The following BRAP variants were observed in gnomAD, a reference collection of about 807,000 sequenced individuals.
BRAP encodes the protein BRCA1 associated protein.
BRAP carries 42 observed loss-of-function variants against 73.4 expected under a neutral mutation model. The ratio of observed to expected loss-of-function variants is 0.57; its 90% CI spans 0.45 to 0.74. BRAP has a LOEUF of 0.74. BRAP is among the 30% of genes least tolerant of loss of function. The pLI is 0.00. For missense variants in BRAP, 593 were observed against 751.4 expected (o/e 0.79, Z 2.46); for synonymous variants, 255 against 267.4 (o/e 0.95, Z 0.45).
intron 6 of BRAP, 41 bp from the exon 7 acceptor site, chr12:111,660,716 A>G: frequency 6.4e-7 from 1 of 1,556,080 alleles, no homozygotes; most frequent in South Asian, 1.2e-5. Context: ...GGTTAAATAT[A>G]AAAGACAGCT....
At chr12:111,654,453 T>A (rs1367545071) in intron 10 of BRAP, among the ~76,000 whole-genome samples, 1 of 152,024 alleles carries the variant, frequency 6.6e-6, no homozygotes, top group Non-Finnish European at 1.5e-5. Context: ...GTAGCTGGGA[T>A]TACAGGCGCC....
intron 10 of BRAP, among the ~76,000 whole-genome samples, chr12:111,654,942 G>C (rs770049674): frequency 3.3e-5 from 5 of 152,194 alleles, no homozygotes; most frequent in African/African-American, 7.2e-5. Flanking sequence ...ATGCTTACTA[G>C]TTTTCAGACT....
intron 9 of BRAP, among the ~76,000 whole-genome samples, chr12:111,657,040 A>G (rs1327322973): frequency 6.6e-6 from 1 of 152,018 alleles, no homozygotes; most frequent in African/African-American, 2.4e-5. Flanking sequence ...TGCCTGGCCA[A>G]TAAATATTCC....
intron 9 of BRAP, among the ~76,000 whole-genome samples, chr12:111,655,891 C>T (rs1487249439): frequency 1.3e-5 from 2 of 152,146 alleles, no homozygotes; most frequent in African/African-American, 4.8e-5. Flanking sequence ...CTTATAAAAA[C>T]CTTTATTCTG....
intron 4 of BRAP, among the ~76,000 whole-genome samples, chr12:111,674,198 C>T (rs1592992842): frequency 6.6e-6 from 1 of 152,266 alleles, no homozygotes; most frequent in Non-Finnish European, 1.5e-5. Flanking sequence ...GCTTTTAATT[C>T]CCCTCTAATG....
Position 111,658,859 on chromosome 12 carries a change from C to G in BRAP, c.1112-14G>C. The G allele has an allele frequency of 6.3e-7, 1 of 1,579,588 alleles. No homozygotes were observed. Among genetic ancestry groups the G allele is most frequent in the Non-Finnish European group, 8.7e-7 (1 of 1,151,728 alleles). ...GAACATAGTTATCTACAGAAAGAGT[C>G]AACAAAAGTGTGTTTCTTTAGAATG... is the stretch of plus-strand genomic sequence containing the variant. On this transcript the variant is annotated splice_polypyrimidine_tract_variant and intron_variant, in intron 8 of 11. Coordinates refer to ENST00000419234, the MANE Select transcript of BRAP (RefSeq NM_006768.5).
At chr12:111,664,743 G>A (rs1412346006) in intron 6 of BRAP, among the ~76,000 whole-genome samples, 2 of 152,192 alleles carry the variant, frequency 1.3e-5, no homozygotes, top group African/African-American at 4.8e-5. Flanking sequence ...AGAGATTCCT[G>A]TAGACTTTCA....
rs146363933 is a variant in BRAP, at chr12:111,643,861, C to T, written c.*338G>A. The T allele has an allele frequency of 3.8e-6, 1 of 263,388 alleles. No individual in the cohort carries two copies. Among genetic ancestry groups the T allele is most frequent in the African/African-American group, 2.2e-5 (1 of 45,670 alleles). The allele number at this position is 263,388 out of a possible 1,614,324, so 16.3% of individuals were successfully genotyped here. ...GAAATAACTTAACATCTTAAACCTA[C>T]CCCAGAACTGAATGTCAAATACGCC... On this transcript the variant is annotated 3_prime_UTR_variant, in exon 12 of 12. Coordinates refer to ENST00000419234, the MANE Select transcript of BRAP (RefSeq NM_006768.5).
intron 10 of BRAP, among the ~76,000 whole-genome samples, chr12:111,653,608 C>G (rs1406228442): frequency 6.6e-6 from 1 of 152,154 alleles, no homozygotes; most frequent in Non-Finnish European, 1.5e-5. Flanking sequence ...GTGTTTATAA[C>G]TGAAGCCCAC....
In BRAP at chr12:111,685,841, G is replaced by T; in HGVS notation, c.-49C>A. The T allele has an allele frequency of 1.5e-6, 2 of 1,366,032 alleles. No homozygotes were observed. Among genetic ancestry groups the T allele is most frequent in the Admixed American group, 3.3e-5 (1 of 30,378 alleles). 84.6% of individuals were successfully genotyped at this position (1,366,032 alleles called of 1,614,324 possible). A position where few individuals can be genotyped will look rare whatever the true frequency, so the allele number is the denominator to read the frequency against. ...GCCCCGGCGGGCTCAGGCGAGGCTG[G>T]AAGGCGAGCCGAGAGGCCGAGCGGC... On this transcript the variant is annotated 5_prime_UTR_variant, in exon 1 of 12. Transcript: ENST00000419234.
chr12:111,661,673 T>C (rs1331501558), intron 6 of BRAP, among the ~76,000 whole-genome samples: 1 of 151,398 alleles, frequency 6.6e-6, no homozygotes, highest in East Asian at 1.9e-4. Context: ...TCCAGGTTGC[T>C]CCTAAGAATT....
chr12:111,667,718 A>AAAAAAAAAAAAAAAAC (rs1434272891), intron 5 of BRAP, among the ~76,000 whole-genome samples: 1 of 148,048 alleles, frequency 6.8e-6, no homozygotes. Context: ...AAAAAAAAAA[A>AAAAAAAAAAAAAAAAC]AAAGCTCATA....
Position 111,673,765 on chromosome 12 carries a change from AAC to A in BRAP, c.634-993_634-992del, listed in dbSNP as rs1227511056. Among the ~76,000 whole-genome samples, 3 of 152,144 alleles carry A rather than the reference AAC, an allele frequency of 2.0e-5. No individual in the cohort carries two copies. The East Asian group carries it at 5.8e-4, about 29-fold the overall frequency. Reference sequence around the variant, plus strand: ...AAGATGAACCAGCCTTTAAAATACTAACAGTCTCATTTGCTAGCGTTAGAAAA... The same window carrying A: ...AAGATGAACCAGCCTTTAAAATACTAAGTCTCATTTGCTAGCGTTAGAAAA... On this transcript the variant is annotated intron_variant, in intron 4 of 11. Transcript: ENST00000419234.
At chr12:111,652,223 G>A (rs141192674) in intron 10 of BRAP, among the ~76,000 whole-genome samples, 60 of 152,088 alleles carry the variant, frequency 3.9e-4, no homozygotes, top group African/African-American at 1.3e-3. Context: ...CCCTACAAAG[G>A]TTGGTTGGTT....
chr12:111,663,678 C>T (rs999701283), intron 6 of BRAP, among the ~76,000 whole-genome samples: 3 of 152,106 alleles, frequency 2.0e-5, no homozygotes, highest in Non-Finnish European at 4.4e-5. Context: ...CCCTGAACCA[C>T]ATGTGTTTAT....
chr12:111,656,592 A>C (rs1410770277), intron 9 of BRAP, among the ~76,000 whole-genome samples: 1 of 152,182 alleles, frequency 6.6e-6, no homozygotes, highest in Non-Finnish European at 1.5e-5. Flanking sequence ...AGAGATATAA[A>C]CATGTCTGCA....
At chr12:111,682,259 T>C (rs1376659853) in intron 2 of BRAP, among the ~76,000 whole-genome samples, 1 of 152,008 alleles carries the variant, frequency 6.6e-6, no homozygotes, top group African/African-American at 2.4e-5. Flanking sequence ...CAGTGGCTCA[T>C]GCCTGTAATC....
intron 4 of BRAP, 66 bp downstream of exon 4, chr12:111,679,085 A>G (rs1236081527): frequency 4.2e-6 from 5 of 1,187,376 alleles, no homozygotes; most frequent in Non-Finnish European, 5.7e-6. Context: ...ACACACAGCT[A>G]TCATACAGTT....
intron 5 of BRAP, among the ~76,000 whole-genome samples, chr12:111,667,714 A>AAAAAAAAAAAAAAAAAAC (rs1323723340): frequency 6.8e-6 from 1 of 146,710 alleles, no homozygotes; most frequent in African/African-American, 2.6e-5. Flanking sequence ...AAAAAAAAAA[A>AAAAAAAAAAAAAAAAAAC]AAAAAAAGCT....
Sources: gnomAD v4.1 joint callset for allele counts (sites outside exome capture counted in the v4.1 genomes callset) on GRCh38, gnomAD v4.1.1 for gene constraint, MANE v1.5 for transcripts, NCBI Gene and HGNC (gene_info 2026-07-23, HGNC 2026-07-21) for gene names.